NUP54: variants seen among roughly 807,000 people sequenced by gnomAD.
The protein encoded by NUP54 is nucleoporin 54.
A neutral mutation model predicts 66.4 loss-of-function variants in NUP54; 27 were observed. That is an observed-to-expected ratio of 0.41 (90% CI 0.30 to 0.56). The LOEUF is 0.56. Ranked by LOEUF, NUP54 falls within the 20% of genes least tolerant of loss-of-function variation. The pLI is 0.34. For synonymous variants in NUP54, 206 were observed against 210.7 expected (o/e 0.98, Z 0.19); for missense variants, 486 against 596.3 (o/e 0.82, Z 1.93).
intron 9 of NUP54, among the ~76,000 whole-genome samples, chr4:76,121,721 A>AAAT (rs1730245946): frequency 6.6e-6 from 1 of 152,226 alleles, no homozygotes; most frequent in Non-Finnish European, 1.5e-5. Flanking sequence ...ATCTATTTGT[A>AAAT]AATACCTATA....
At chr4:76,117,964 T>C (rs1451166604) in intron 10 of NUP54, 111 bp downstream of exon 10, 11 of 1,172,626 alleles carry the variant, frequency 9.4e-6, no homozygotes, top group African/African-American at 4.6e-5. Context: ...GAAGTTCTAA[T>C]TGGAGATAAG....
In NUP54 at chr4:76,128,832, C is replaced by T. The variant is rs140686294; in HGVS notation, c.1056+1824G>A. Among the ~76,000 whole-genome samples the T allele has an allele frequency of 2.0e-5, 3 of 152,202 alleles. No homozygotes were observed. In the East Asian group the frequency reaches 5.8e-4, roughly 29 times the overall value. ...TTTGTTAAGTGAAATAAGCCACGTG[C>T]AGAAAGATAAATTCTGCATGTTCTC... On this transcript the variant is annotated intron_variant, in intron 8 of 11. Coordinates refer to ENST00000264883, the MANE Select transcript of NUP54 (RefSeq NM_017426.4).
At chr4:76,132,959 C>T (rs562269145) in intron 5 of NUP54, among the ~76,000 whole-genome samples, 4 of 151,330 alleles carry the variant, frequency 2.6e-5, no homozygotes, top group Non-Finnish European at 4.4e-5. Context: ...AGCAATTCTC[C>T]CACCTCAGCC....
chr4:76,116,236 T>C (rs1044009215), intron 11 of NUP54, among the ~76,000 whole-genome samples: 2 of 152,226 alleles, frequency 1.3e-5, no homozygotes, highest in Non-Finnish European at 2.9e-5. Context: ...TTATTGCAAA[T>C]ACTTAAAACA....
At chr4:76,145,710 G>T in intron 1 of NUP54, 1 of 378,864 alleles carries the variant, frequency 2.6e-6, no homozygotes, top group Non-Finnish European at 4.3e-6. Flanking sequence ...ACAAATGTTT[G>T]AACCATTAGT....
At chr4:76,119,164 T>A (rs1730112033) in intron 9 of NUP54, among the ~76,000 whole-genome samples, 1 of 152,324 alleles carries the variant, frequency 6.6e-6, no homozygotes, top group South Asian at 2.1e-4. Context: ...TTTCTTGGAT[T>A]TTTTTTGAGA....
intron 8 of NUP54, among the ~76,000 whole-genome samples, chr4:76,127,432 CAAAAAA>C (rs59383944): frequency 7.3e-5 from 4 of 54,788 alleles, no homozygotes; most frequent in Admixed American, 6.5e-4. Flanking sequence ...ACCCCCATCT[CAAAAAA>C]AAAAAAAAAA....
intron 8 of NUP54, among the ~76,000 whole-genome samples, chr4:76,127,565 ATTTT>A (rs980946868): frequency 2.0e-5 from 3 of 151,908 alleles, no homozygotes; most frequent in Non-Finnish European, 1.5e-5. Flanking sequence ...TAAACTCTAA[ATTTT>A]TTTTAATGTA....
At chr4:76,125,655 G>A (rs1324582019) in intron 8 of NUP54, among the ~76,000 whole-genome samples, 24 of 18,116 alleles carry the variant, frequency 1.3e-3, no homozygotes, top group East Asian at 0.021. Context: ...AGGGGGAGAG[G>A]GAGAGAGGGG....
intron 11 of NUP54, among the ~76,000 whole-genome samples, chr4:76,116,105 C>A (rs1560671388): frequency 6.6e-6 from 1 of 152,152 alleles, no homozygotes; most frequent in Admixed American, 6.6e-5. Context: ...GATTCAATCC[C>A]AAAACAATAC....
Position 76,136,301 on chromosome 4 carries a change from G to A in NUP54, c.407C>T (p.Ala136Val), listed in dbSNP as rs1731036455. The change falls in exon 4 of 12, where the codon GCT (alanine) becomes GTT (valine). Residue 136 changes from alanine to valine, a missense_variant. Physicochemically the swap from Ala to Val is moderately conservative, Grantham distance 64. Around this residue, in one of 4 missense-constraint regions of NUP54, gnomAD observed 41 missense variants for 82.7 expected, o/e 0.50. Coordinates refer to ENST00000264883, the MANE Select transcript of NUP54 (RefSeq NM_017426.4). ...CAGTTGATTCCATTTTGCCAAAATAGCATCTCTCTCATCTCCCAACAGCGT... is the reference window on the plus strand; with the variant it reads ...CAGTTGATTCCATTTTGCCAAAATAACATCTCTCTCATCTCCCAACAGCGT... ...APTLLGDERD[A>V]ILAKWNQLQA... 5 of 1,613,912 alleles carry A rather than the reference G, an allele frequency of 3.1e-6. No individual in the cohort carries two copies. In the South Asian group the frequency reaches 4.4e-5, roughly 14 times the overall value.
At chr4:76,122,203 AT>A (rs1730266006) in intron 9 of NUP54, among the ~76,000 whole-genome samples, 1 of 152,184 alleles carries the variant, frequency 6.6e-6, no homozygotes, top group African/African-American at 2.4e-5. Context: ...GTCATAGTAT[AT>A]TTTTTAAGAA....
chr4:76,148,131 T>A, intron 1 of NUP54, 177 bp downstream of exon 1: 1 of 452,770 alleles, frequency 2.2e-6, no homozygotes, highest in Non-Finnish European at 3.9e-6. Flanking sequence ...AGTACCCCCG[T>A]GGCCTCCTCG....
At chr4:76,125,217 G>A (rs1730417043) in intron 8 of NUP54, among the ~76,000 whole-genome samples, 2 of 151,808 alleles carry the variant, frequency 1.3e-5, no homozygotes, top group Non-Finnish European at 2.9e-5. Context: ...CTTAAACCTG[G>A]GGGATGGAGC....
intron 8 of NUP54, among the ~76,000 whole-genome samples, chr4:76,125,350 AC>A: frequency 6.9e-6 from 1 of 145,486 alleles, no homozygotes; most frequent in South Asian, 2.2e-4. Context: ...ACACACACAC[AC>A]GGCTGGGCAC....
intron 8 of NUP54, among the ~76,000 whole-genome samples, chr4:76,125,823 AAAGGGG>A (rs1321678153): frequency 6.4e-5 from 2 of 31,496 alleles, no homozygotes; most frequent in African/African-American, 1.6e-4. Flanking sequence ...GAAGAGGGAG[AAAGGGG>A]GAGAGAGGGA....
At chr4:76,148,240 C>G in intron 1 of NUP54, 68 bp downstream of exon 1, 1 of 1,124,968 alleles carries the variant, frequency 8.9e-7, no homozygotes, top group African/African-American at 1.6e-5. Context: ...GTCGGAGAGT[C>G]TCGGACAGAG....
chr4:76,141,838 A>C (rs77955348), intron 3 of NUP54, among the ~76,000 whole-genome samples: 1 of 152,212 alleles, frequency 6.6e-6, no homozygotes, highest in African/African-American at 2.4e-5. Context: ...AATCCAATTC[A>C]TATCTATCTC....
At chr4:76,141,656 G>T (rs190247838) in intron 3 of NUP54, among the ~76,000 whole-genome samples, 1 of 152,060 alleles carries the variant, frequency 6.6e-6, no homozygotes, top group Non-Finnish European at 1.5e-5. Context: ...TCAGATTTTG[G>T]CAACAGCTTC....
Sources: allele counts gnomAD v4.1 joint callset (sites outside exome capture counted in the v4.1 genomes callset), GRCh38; gene constraint gnomAD v4.1.1; regional missense constraint gnomAD v4.1.1; transcripts MANE v1.5; gene names NCBI Gene and HGNC (gene_info 2026-07-23, HGNC 2026-07-21).